HEMK2: variants seen among roughly 807,000 people sequenced by gnomAD.
The protein encoded by HEMK2 is HemK methyltransferase 2, ETF1 glutamine and histone H4 lysine.
the HEMK2 span, among the ~76,000 whole-genome samples, chr21:28,614,848 CTTTTTG>C: frequency 6.6e-6 from 1 of 152,152 alleles, no homozygotes; most frequent in African/African-American, 2.4e-5. Context: ...AAGTGGTTCT[CTTTTTG>C]AGTTTCAAAA....
At chr21:28,705,188 C>T in the HEMK2 span, among the ~76,000 whole-genome samples, 2 of 152,082 alleles carry the variant, frequency 1.3e-5, no homozygotes, top group Admixed American at 6.6e-5. Flanking sequence ...TAGATCAAGG[C>T]TCAAAATATT....
chr21:28,610,407 T>C, the HEMK2 span, among the ~76,000 whole-genome samples: 1 of 152,086 alleles, frequency 6.6e-6, no homozygotes, highest in African/African-American at 2.4e-5. Flanking sequence ...AAAGGAGCTC[T>C]AAATCTTCAA....
chr21:28,768,253 C>A, the HEMK2 span, among the ~76,000 whole-genome samples: 1 of 151,760 alleles, frequency 6.6e-6, no homozygotes, highest in Admixed American at 6.6e-5. Context: ...AAAGGCCATC[C>A]TCTACCTAAC....
the HEMK2 span, among the ~76,000 whole-genome samples, chr21:28,720,466 C>T: frequency 6.6e-6 from 1 of 152,162 alleles, no homozygotes; most frequent in South Asian, 2.1e-4. Flanking sequence ...GGCATGATGG[C>T]TCATGCCTGT....
chr21:28,683,896 T>G, the HEMK2 span, among the ~76,000 whole-genome samples: 1 of 152,200 alleles, frequency 6.6e-6, no homozygotes, highest in Non-Finnish European at 1.5e-5. Context: ...TATTCTGAAG[T>G]CTGGCATCAT....
chr21:28,838,353 T>G, the HEMK2 span, among the ~76,000 whole-genome samples: 14 of 150,960 alleles, frequency 9.3e-5, no homozygotes, highest in Non-Finnish European at 1.8e-4. Flanking sequence ...GCTAACAAGG[T>G]GAAACCCCGT....
the HEMK2 span, among the ~76,000 whole-genome samples, chr21:28,868,302 T>G: frequency 1.3e-5 from 2 of 152,236 alleles, no homozygotes; most frequent in African/African-American, 4.8e-5. Context: ...AATTTTACTG[T>G]AAGTATAGGA....
At chr21:28,646,440 T>C in the HEMK2 span, among the ~76,000 whole-genome samples, 1 of 152,152 alleles carries the variant, frequency 6.6e-6, no homozygotes, top group Admixed American at 6.5e-5. Flanking sequence ...GGGAAGAACA[T>C]TGACCTTGTC....
At chr21:28,654,422 G>A in the HEMK2 span, among the ~76,000 whole-genome samples, 1 of 152,168 alleles carries the variant, frequency 6.6e-6, no homozygotes, top group Middle Eastern at 3.4e-3. Flanking sequence ...GAAGGATACT[G>A]AAGGATAACC....
At chr21:28,612,060 C>T in the HEMK2 span, among the ~76,000 whole-genome samples, 1 of 151,748 alleles carries the variant, frequency 6.6e-6, no homozygotes, top group African/African-American at 2.4e-5. Context: ...GGGAATCCTC[C>T]CTAAATCATG....
At chr21:28,585,400 G>A in the HEMK2 span, among the ~76,000 whole-genome samples, 1 of 151,778 alleles carries the variant, frequency 6.6e-6, no homozygotes, top group South Asian at 2.1e-4. Context: ...ATCACCTTCA[G>A]TGAAAATCAG....
chr21:28,735,868 A>G, the HEMK2 span, among the ~76,000 whole-genome samples: 4 of 152,230 alleles, frequency 2.6e-5, no homozygotes, highest in Admixed American at 1.3e-4. Context: ...CATCATATTC[A>G]CAAGTGCCAA....
the HEMK2 span, among the ~76,000 whole-genome samples, chr21:28,812,075 T>A: frequency 6.6e-6 from 1 of 152,190 alleles, no homozygotes; most frequent in South Asian, 2.1e-4. Context: ...ACAGTAGAAG[T>A]AAATATTTTT....
At chr21:28,599,351 G>A in the HEMK2 span, among the ~76,000 whole-genome samples, 454 of 152,284 alleles carry the variant, frequency 3.0e-3, 4 homozygotes, top group African/African-American at 0.011. Flanking sequence ...AAGGCAAAAG[G>A]CATGTCTTAC....
chr21:28,804,080 T>C, the HEMK2 span, among the ~76,000 whole-genome samples: 1 of 152,336 alleles, frequency 6.6e-6, no homozygotes, highest in African/African-American at 2.4e-5. Flanking sequence ...AAGTACTCTA[T>C]CAGTATCTAA....
the HEMK2 span, among the ~76,000 whole-genome samples, chr21:28,598,556 A>G: frequency 6.6e-6 from 1 of 152,204 alleles, no homozygotes; most frequent in Admixed American, 6.5e-5. Flanking sequence ...TGGTTTCTCC[A>G]GGATTTTGCC....
chr21:28,848,001 C>T, the HEMK2 span, among the ~76,000 whole-genome samples: 5 of 152,296 alleles, frequency 3.3e-5, no homozygotes, highest in Admixed American at 3.3e-4. Context: ...TGTACTAGTA[C>T]CATGCTGTCT....
At chr21:28,610,190 C>T in the HEMK2 span, among the ~76,000 whole-genome samples, 1 of 152,304 alleles carries the variant, frequency 6.6e-6, no homozygotes, top group South Asian at 2.1e-4. Flanking sequence ...AAAACCCTGT[C>T]TGATTAACAG....
the HEMK2 span, among the ~76,000 whole-genome samples, chr21:28,711,959 G>A: frequency 1.3e-5 from 2 of 152,092 alleles, no homozygotes; most frequent in African/African-American, 2.4e-5. Context: ...CCTGTTATAA[G>A]GACACTAACC....
Sources: allele counts gnomAD v4.1 joint callset (sites outside exome capture counted in the v4.1 genomes callset), GRCh38; gene constraint gnomAD v4.1.1; transcripts MANE v1.5; gene names NCBI Gene and HGNC (gene_info 2026-07-23, HGNC 2026-07-21).